MYH13: variants seen among roughly 807,000 people sequenced by gnomAD.
The protein encoded by MYH13 is myosin heavy chain 13, also known as myosin-13.
Under a neutral mutation model 232.1 loss-of-function variants are expected in MYH13, and 177 were observed. The ratio of observed to expected loss-of-function variants is 0.76; its 90% CI spans 0.67 to 0.86. The LOEUF (loss-of-function observed/expected upper bound fraction) is 0.86, where lower values mean the gene tolerates loss of function less well. Ranked by LOEUF, MYH13 falls within the 40% of genes least tolerant of loss-of-function variation. MYH13 has a pLI of 0.00. For missense variants in MYH13, 2,246 were observed against 2,405.9 expected, an observed-to-expected ratio of 0.93 and a Z score of 1.39; for synonymous variants, 884 against 923.5, an observed-to-expected ratio of 0.96 and a Z score of 0.78.
chr17:10,316,616 T>C (rs1326300555), intron 27 of MYH13, among the ~76,000 whole-genome samples: 1 of 152,210 alleles, frequency 6.6e-6, no homozygotes, highest in Non-Finnish European at 1.5e-5. Flanking sequence ...GTAATATAAG[T>C]GATTCGTGAA....
intron 8 of MYH13, among the ~76,000 whole-genome samples, chr17:10,356,498 C>T (rs2071750006): frequency 6.6e-6 from 1 of 152,138 alleles, no homozygotes; most frequent in Admixed American, 6.6e-5. Flanking sequence ...CTAACTTGGT[C>T]CAGGCATGGG....
intron 2 of MYH13, among the ~76,000 whole-genome samples, chr17:10,366,834 T>C (rs1460125964): frequency 6.6e-6 from 1 of 152,248 alleles, no homozygotes; most frequent in Non-Finnish European, 1.5e-5. Context: ...TTTCCTGTGA[T>C]TCTGTGGGGT....
Position 10,306,217 on chromosome 17 carries a change from TA to T in MYH13, c.5466+241del, listed in dbSNP as rs1431931458. 5.0e-5 allele frequency among the ~76,000 whole-genome samples: 7 copies of T among 141,106 alleles called. No individual in the cohort carries two copies. Among genetic ancestry groups the T allele is most frequent in the South Asian group, 2.4e-4 (1 of 4,100 alleles). The allele number at this position is 141,106 out of a possible 152,430, so 92.6% of individuals were successfully genotyped here. A position where few individuals can be genotyped will look rare whatever the true frequency, so the allele number is the denominator to read the frequency against. ...TTACTGAGGTGTGAGCATACCAAAA[TA>T]GATGTGTGTGTGTGTGTGTGTGTGT... On this transcript the variant is annotated intron_variant, in intron 37 of 40. Coordinates refer to ENST00000252172, the MANE Select transcript of MYH13 (RefSeq NM_003802.3). The surrounding 1 kb of genome is among the most constrained non-coding windows in gnomAD (Gnocchi z 4.3).
chr17:10,366,008 G>A (rs2071833940), intron 2 of MYH13, among the ~76,000 whole-genome samples: 1 of 151,756 alleles, frequency 6.6e-6, no homozygotes, highest in South Asian at 2.1e-4. Context: ...CTTCTTTTAT[G>A]TAATGTATTG....
chr17:10,351,902 A>G (rs942934402), intron 11 of MYH13, among the ~76,000 whole-genome samples: 4 of 152,136 alleles, frequency 2.6e-5, no homozygotes, highest in African/African-American at 9.7e-5. Flanking sequence ...GGATAGACCC[A>G]ATAGGCCAAC....
At chr17:10,338,923 G>A (rs950560243) in intron 18 of MYH13, among the ~76,000 whole-genome samples, 11 of 152,018 alleles carry the variant, frequency 7.2e-5, no homozygotes, top group African/African-American at 2.4e-4. Context: ...GGATGGTCTC[G>A]ATCTCCTGAC....
rs546972736 is a variant in MYH13 at position 10,304,588 on chromosome 17, G to A, written c.5467-1090C>T. Among the ~76,000 whole-genome samples the A allele has an allele frequency of 7.2e-5, 11 of 152,324 alleles. No individual in the cohort carries two copies. In the South Asian group the frequency reaches 2.3e-3, roughly 32 times the overall value. On this transcript the variant is annotated intron_variant, in intron 37 of 40. Transcript: ENST00000252172. This position sits in a 1 kb window ranked among gnomAD's most constrained non-coding sequence, Gnocchi z 5.3. Reference sequence around the variant, plus strand: ...GATCAAGTAAGGCAGCAGGGATCACGAAGAGAACCTGGGCCAGGAGTAGTC... The same window carrying A: ...GATCAAGTAAGGCAGCAGGGATCACAAAGAGAACCTGGGCCAGGAGTAGTC...
chr17:10,303,154 A>C, intron 39 of MYH13, 42 bp downstream of exon 39: 1 of 1,567,234 alleles, frequency 6.4e-7, no homozygotes, highest in Non-Finnish European at 8.8e-7. Context: ...TGCCCCAGGG[A>C]CTGTCTGTCT....
At chr17:10,320,610 G>A in intron 24 of MYH13, 114 bp from the exon 25 acceptor site, 1 of 1,187,870 alleles carries the variant, frequency 8.4e-7, no homozygotes, top group African/African-American at 1.5e-5. Flanking sequence ...GTAGGGTGCT[G>A]GCTGCAAGCC....
Position 10,303,479 on chromosome 17 carries a change from T to C in MYH13, c.5486A>G (p.Glu1829Gly). ...TCCCCTCTTCTGTTCCACATCAAGC[T>C]CATTTTCCAGCTCCCGCACCTGAGT... ...LENRVRELENELDVEQKRGAE... is the reference protein window; with the variant it reads ...LENRVRELENGLDVEQKRGAE... The change falls in exon 38 of 41, where the codon GAG becomes GGG. Residue 1829 changes from glutamate to glycine, a missense_variant. Transcript: ENST00000252172. 1 of 1,613,940 alleles carries C rather than the reference T, an allele frequency of 6.2e-7. No individual in the cohort carries two copies.
At chr17:10,363,749 G>A (rs2071811804) in intron 3 of MYH13, among the ~76,000 whole-genome samples, 1 of 152,274 alleles carries the variant, frequency 6.6e-6, no homozygotes, top group East Asian at 1.9e-4. Context: ...TGGAATTAGA[G>A]GTTAAGTTTA....
chr17:10,312,509 A>G (rs1906542145), intron 31 of MYH13, 65 bp downstream of exon 31: 1 of 1,512,328 alleles, frequency 6.6e-7, no homozygotes. Flanking sequence ...TTTCATGTAA[A>G]TAGCATTTCC....
chr17:10,303,473 T>A lies in MYH13; in HGVS notation c.5492A>T (p.Asp1831Val). 1 of 1,613,954 alleles carries A rather than the reference T, an allele frequency of 6.2e-7. No homozygotes were observed. Among genetic ancestry groups the A allele is most frequent in the Non-Finnish European group, 8.5e-7 (1 of 1,179,876 alleles). The change falls in exon 38 of 41, where the codon GAT (aspartate) becomes GTT (valine). Residue 1831 changes from aspartate (D) to valine (V), a missense_variant. Physicochemically the swap from Asp to Val is radical, Grantham distance 152. Transcript: ENST00000252172. ...NRVRELENEL[D>V]VEQKRGAEAL... ...TTCAGCTCCCCTCTTCTGTTCCACA[T>A]CAAGCTCATTTTCCAGCTCCCGCAC...
chr17:10,303,511 A>G lies in MYH13; in HGVS notation c.5467-13T>C. ...CCAGCTCCCGCACCTGAGTAGGATG[A>G]AAGGAACACAGAATTCAAATCTCCT... On this transcript the variant is annotated splice_polypyrimidine_tract_variant and intron_variant, in intron 37 of 40. Coordinates refer to ENST00000252172, the MANE Select transcript of MYH13 (RefSeq NM_003802.3). The G allele has an allele frequency of 6.2e-7, 1 of 1,609,914 alleles. No homozygotes were observed. Among genetic ancestry groups the G allele is most frequent in the Non-Finnish European group, 8.5e-7 (1 of 1,176,154 alleles).
chr17:10,363,685 A>G (rs946774838), intron 3 of MYH13, among the ~76,000 whole-genome samples: 5 of 152,186 alleles, frequency 3.3e-5, no homozygotes, highest in African/African-American at 1.2e-4. Context: ...GGCGGTGGTG[A>G]GGGCACCCCA....
intron 32 of MYH13, 126 bp downstream of exon 32, chr17:10,311,785 C>T: frequency 9.0e-7 from 1 of 1,108,378 alleles, no homozygotes; most frequent in Non-Finnish European, 1.3e-6. Flanking sequence ...CAATGTGAGG[C>T]ATGATGGGTG....
Position 10,319,052 on chromosome 17 carries a change from C to G in MYH13, c.3476G>C (p.Gly1159Ala), listed in dbSNP as rs750381750. ...EISERLEEAS[G>A]ATSAQIEMNK... Reference sequence around the variant, plus strand: ...CATCTCAATCTGGGCTGAAGTGGCCCCACTGGCTTCTTCCAGCCTCTCGCT... The same window carrying G: ...CATCTCAATCTGGGCTGAAGTGGCCGCACTGGCTTCTTCCAGCCTCTCGCT... The change falls in exon 27 of 41, where the codon GGG becomes GCG. Residue 1159 changes from glycine to alanine, a missense_variant. Gly to Ala is a moderately conservative substitution (Grantham distance 60). Coordinates refer to ENST00000252172, the MANE Select transcript of MYH13 (RefSeq NM_003802.3). The G allele has an allele frequency of 1.2e-6, 2 of 1,614,130 alleles. No individual in the cohort carries two copies. The highest frequency in any genetic ancestry group is 2.2e-5 in the South Asian group (2 of 91,080).
At position 10,328,186 on chromosome 17, in the gene MYH13, G is replaced by A; in HGVS notation, c.2436-65C>T. 2.6e-6 allele frequency: 4 copies of A among 1,551,014 alleles called. No homozygotes were observed. In the South Asian group the frequency reaches 3.6e-5, roughly 14 times the overall value. ...GGTCTGGTCTCTGCACCCCCAACCT[G>A]TCCCCGACGGACCCCATCCTCCGTC... On this transcript the variant is annotated intron_variant, in intron 21 of 40. Coordinates refer to ENST00000252172, the MANE Select transcript of MYH13 (RefSeq NM_003802.3).
intron 5 of MYH13, 137 bp downstream of exon 5, chr17:10,361,981 T>C (rs2142274764): frequency 6.5e-7 from 1 of 1,531,224 alleles, no homozygotes; most frequent in East Asian, 2.3e-5. Context: ...TTGTACCCTT[T>C]GCTTTTCATC....
Sources: gnomAD v4.1 joint callset for allele counts (sites outside exome capture counted in the v4.1 genomes callset) on GRCh38, gnomAD v4.1.1 for gene constraint, Gnocchi (gnomAD v3.1) non-coding constraint, MANE v1.5 for transcripts, NCBI Gene and HGNC (gene_info 2026-07-23, HGNC 2026-07-21) for gene names.